Variants in SCML4 observed in about 807,000 individuals in gnomAD.
The protein encoded by SCML4 is sex comb on midleg-like protein 4.
In SCML4, 34 loss-of-function variants were observed where a neutral mutation model predicts 41.1. The ratio of observed to expected loss-of-function variants is 0.83; its 90% CI spans 0.63 to 1.10. SCML4 has a LOEUF of 1.10. SCML4 is among the 50% of genes least tolerant of loss of function. SCML4 has a pLI of 0.00. For synonymous variants in SCML4, 214 were observed against 220.9 expected, an observed-to-expected ratio of 0.97 and a Z score of 0.28; for missense variants, 522 against 534.1, an observed-to-expected ratio of 0.98 and a Z score of 0.22.
chr6:107,747,301 C>A (rs1232463936), intron 3 of SCML4, among the ~76,000 whole-genome samples: 1 of 152,188 alleles, frequency 6.6e-6, no homozygotes, highest in Admixed American at 6.5e-5. Context: ...TCTTTGTTAA[C>A]CGTCTACGAA....
chr6:107,722,857 A>C (rs1775566341), intron 5 of SCML4, among the ~76,000 whole-genome samples: 2 of 152,226 alleles, frequency 1.3e-5, no homozygotes, highest in South Asian at 4.1e-4. Context: ...ATCTCAAATG[A>C]ATAACCTAAT....
At chr6:107,757,863 C>G (rs932045444) in intron 2 of SCML4, among the ~76,000 whole-genome samples, 1 of 152,176 alleles carries the variant, frequency 6.6e-6, no homozygotes, top group Non-Finnish European at 1.5e-5. Context: ...TGGAACCCAT[C>G]TACATTTTCC....
chr6:107,786,891 T>C (rs1212590992), intron 1 of SCML4, among the ~76,000 whole-genome samples: 1 of 152,244 alleles, frequency 6.6e-6, no homozygotes, highest in African/African-American at 2.4e-5. Context: ...AAGATGGCTC[T>C]TCGCCTACTT....
chr6:107,737,217 C>A (rs1464834021), intron 5 of SCML4, among the ~76,000 whole-genome samples: 1 of 152,166 alleles, frequency 6.6e-6, no homozygotes, highest in Non-Finnish European at 1.5e-5. Context: ...GAATCAAATG[C>A]CATTGTGGAC....
At chr6:107,840,556 C>A in the SCML4 span, among the ~76,000 whole-genome samples, 5 of 152,146 alleles carry the variant, frequency 3.3e-5, no homozygotes, top group Admixed American at 3.3e-4. Context: ...GAAACACACC[C>A]AAATCTCTAG....
intron 2 of SCML4, among the ~76,000 whole-genome samples, chr6:107,759,920 A>G (rs1779446502): frequency 6.6e-6 from 1 of 152,154 alleles, no homozygotes; most frequent in Non-Finnish European, 1.5e-5. Context: ...TCTTAGAGAT[A>G]ACAAATGACA....
chr6:107,813,425 A>C (rs9400149), intron 1 of SCML4, among the ~76,000 whole-genome samples: 1 of 9,842 alleles, frequency 1.0e-4, no homozygotes. Flanking sequence ...TATATATATA[A>C]AACTGTAAAA....
In SCML4 at chr6:107,745,129, C is replaced by T; in HGVS notation, c.502G>A (p.Asp168Asn). ...GEMVSVSASF[D>N]GKQHLRSLPV... Reference sequence around the variant, plus strand: ...AGGCTCCGCAGGTGCTGTTTGCCATCAAAGGAAGCCGAGACTGGAAAACCA... The same window carrying T: ...AGGCTCCGCAGGTGCTGTTTGCCATTAAAGGAAGCCGAGACTGGAAAACCA... The change falls in exon 5 of 8, where the codon GAT becomes AAT. Residue 168 changes from aspartate to asparagine, a missense_variant. Physicochemically the swap from Asp to Asn is conservative, Grantham distance 23 (BLOSUM62 1). Transcript: ENST00000369020. 1.3e-6 allele frequency: 2 copies of T among 1,578,970 alleles called. No individual in the cohort carries two copies. Among genetic ancestry groups the T allele is most frequent in the Non-Finnish European group, 1.7e-6 (2 of 1,161,852 alleles).
chr6:107,768,012 G>C (rs749565018), intron 2 of SCML4, among the ~76,000 whole-genome samples: 14 of 151,564 alleles, frequency 9.2e-5, no homozygotes, highest in Non-Finnish European at 1.8e-4. Flanking sequence ...TGTAACCCCA[G>C]CGCTTTGGGA....
chr6:107,744,891 A>G, intron 5 of SCML4, 58 bp downstream of exon 5: 1 of 1,400,900 alleles, frequency 7.1e-7, no homozygotes, highest in Non-Finnish European at 9.8e-7. Context: ...GTGGAAGGGC[A>G]GAGACACCTG....
At chr6:107,746,427 C>A (rs186874253) in intron 4 of SCML4, 25 of 428,302 alleles carry the variant, frequency 5.8e-5, no homozygotes, top group South Asian at 3.7e-4. Flanking sequence ...AAAGCAAAAA[C>A]CGGTGAGTTG....
Position 107,747,081 on chromosome 6 carries a change from G to T in SCML4, c.287-192C>A, listed in dbSNP as rs74694659. On this transcript the variant is annotated intron_variant, in intron 3 of 7. Coordinates refer to ENST00000369020, the MANE Select transcript of SCML4 (RefSeq NM_198081.5). ...GAGGCAAAAGAGTTAGACACCCCAA[G>T]TGCCAGGGCCTGACCTCGGGGGCTT... Among the ~76,000 whole-genome samples, 403 of 152,300 alleles carry T rather than the reference G, an allele frequency of 2.6e-3. 3 individuals carry two copies. The highest frequency in any genetic ancestry group is 9.6e-3 in the African/African-American group (397 of 41,566).
rs374670602 is a variant in SCML4 at position 107,710,137 on chromosome 6, A to ATTCCTCCCACTCACTCCACAAACAT, written c.974-2127_974-2126insATGTTTGTGGAGTGAGTGGGAGGAA. On this transcript the variant is annotated intron_variant, in intron 6 of 7. Coordinates refer to ENST00000369020, the MANE Select transcript of SCML4 (RefSeq NM_198081.5). ...CTAGTTAGATTTTTATTTCCTAAGG[A>ATTCCTCCCACTCACTCCACAAACAT]TGAGAGCTAAGTTTGAGAGCTCTTC... Among the ~76,000 whole-genome samples, 19 of 67,666 alleles carry ATTCCTCCCACTCACTCCACAAACAT rather than the reference A, an allele frequency of 2.8e-4. 1 individual carries two copies. The highest frequency in any genetic ancestry group is 8.3e-4 in the South Asian group (2 of 2,400). 44.4% of individuals were successfully genotyped at this position (67,666 alleles called of 152,430 possible).
At chr6:107,835,037 T>A in the SCML4 span, among the ~76,000 whole-genome samples, 1 of 152,074 alleles carries the variant, frequency 6.6e-6, no homozygotes, top group East Asian at 1.9e-4. Context: ...ATATATTGCA[T>A]CAATAACATA....
At chr6:107,802,425 C>T (rs1017188751) in intron 1 of SCML4, among the ~76,000 whole-genome samples, 3 of 151,918 alleles carry the variant, frequency 2.0e-5, no homozygotes, top group Admixed American at 2.0e-4. Context: ...TGCAAAAGTC[C>T]TGTGGTGGAC....
chr6:107,788,148 C>T (rs1391185800), intron 1 of SCML4, among the ~76,000 whole-genome samples: 1 of 152,216 alleles, frequency 6.6e-6, no homozygotes, highest in East Asian at 1.9e-4. Context: ...TTTTGTTTCT[C>T]CACATTTGGT....
chr6:107,756,021 C>A (rs2114525493), intron 2 of SCML4, among the ~76,000 whole-genome samples: 1 of 152,174 alleles, frequency 6.6e-6, no homozygotes, highest in Non-Finnish European at 1.5e-5. Context: ...ATTCATGAAT[C>A]CACACTGACA....
At chr6:107,775,407 A>G (rs760846569) in intron 1 of SCML4, among the ~76,000 whole-genome samples, 1 of 152,232 alleles carries the variant, frequency 6.6e-6, no homozygotes, top group African/African-American at 2.4e-5. Context: ...AGGGAAGCCC[A>G]TGAGAACATG....
At chr6:107,772,995 G>A (rs1878779) in intron 1 of SCML4, among the ~76,000 whole-genome samples, 152,001 of 152,360 alleles carry the variant, frequency 1, 75,824 homozygotes, top group Non-Finnish European at 1. Context: ...ATTAAAATGC[G>A]TGCAACCCAA....
Sources: gnomAD v4.1 joint callset for allele counts (sites outside exome capture counted in the v4.1 genomes callset) on GRCh38, gnomAD v4.1.1 for gene constraint, MANE v1.5 for transcripts, NCBI Gene and HGNC (gene_info 2026-07-23, HGNC 2026-07-21) for gene names.